EXOC6B: variants seen among roughly 807,000 people sequenced by gnomAD.
The protein encoded by EXOC6B is SEC15 homolog B.
EXOC6B carries 54 observed loss-of-function variants against 113.5 expected under a neutral mutation model. That is an observed-to-expected ratio of 0.48 (90% CI 0.38 to 0.60). EXOC6B has a LOEUF of 0.60. Among genes scored for constraint, EXOC6B ranks in the 20% least tolerant of loss-of-function variants. The pLI is 0.00. For missense variants in EXOC6B, 797 were observed against 977.5 expected, an observed-to-expected ratio of 0.82 and a Z score of 2.46; for synonymous variants, 357 against 339.0, an observed-to-expected ratio of 1.05 and a Z score of -0.58.
chr2:72,707,342 T>C (rs1678949995), intron 6 of EXOC6B, among the ~76,000 whole-genome samples: 1 of 152,168 alleles, frequency 6.6e-6, no homozygotes, highest in Non-Finnish European at 1.5e-5. Context: ...TAACATTTTA[T>C]CTTTATTTCT....
At chr2:72,548,199 T>C (rs1703011909) in intron 8 of EXOC6B, among the ~76,000 whole-genome samples, 1 of 152,128 alleles carries the variant, frequency 6.6e-6, no homozygotes, top group Non-Finnish European at 1.5e-5. Flanking sequence ...GATATTGTAC[T>C]TCACTTTAGT....
chr2:72,810,652 G>GA (rs1385713588), intron 1 of EXOC6B, among the ~76,000 whole-genome samples: 2 of 151,852 alleles, frequency 1.3e-5, no homozygotes, highest in Admixed American at 6.6e-5. Flanking sequence ...AAACAACGGA[G>GA]AAAATCAAAG....
At chr2:72,302,118 GTTGT>G (rs1686570152) in intron 20 of EXOC6B, among the ~76,000 whole-genome samples, 1 of 152,136 alleles carries the variant, frequency 6.6e-6, no homozygotes, top group African/African-American at 2.4e-5. Context: ...TCAGGAGCAG[GTTGT>G]TTAATTTCCA....
intron 6 of EXOC6B, among the ~76,000 whole-genome samples, chr2:72,640,951 G>C (rs941335847): frequency 2.0e-5 from 3 of 152,128 alleles, no homozygotes; most frequent in African/African-American, 7.2e-5. Flanking sequence ...ACCCAACACA[G>C]GATTAGCCAG....
At chr2:72,719,094 T>C (rs150581429) in intron 5 of EXOC6B, among the ~76,000 whole-genome samples, 14 of 152,330 alleles carry the variant, frequency 9.2e-5, no homozygotes, top group Admixed American at 5.9e-4. Context: ...AGTGGGACTC[T>C]GTAGCTTTCT....
chr2:72,234,324 C>T (rs1486639175), intron 20 of EXOC6B, among the ~76,000 whole-genome samples: 1 of 152,048 alleles, frequency 6.6e-6, no homozygotes, highest in African/African-American at 2.4e-5. Flanking sequence ...ACCTCGTGAT[C>T]CACCTGCCTC....
At chr2:72,285,182 C>T (rs939685803) in intron 20 of EXOC6B, among the ~76,000 whole-genome samples, 9 of 151,974 alleles carry the variant, frequency 5.9e-5, no homozygotes, top group South Asian at 2.1e-4. Flanking sequence ...CAAAGAAGAA[C>T]TAAGTCAGAC....
chr2:72,790,870 T>C (rs374250442), intron 1 of EXOC6B, among the ~76,000 whole-genome samples: 3 of 152,228 alleles, frequency 2.0e-5, no homozygotes, highest in African/African-American at 7.2e-5. Flanking sequence ...ATGTTCTCAT[T>C]TGCATGTGGG....
chr2:72,750,078 A>G (rs993576647), intron 1 of EXOC6B, among the ~76,000 whole-genome samples: 9 of 151,876 alleles, frequency 5.9e-5, no homozygotes, highest in Admixed American at 5.9e-4. Context: ...ACACAAACAC[A>G]CACACACACT....
intron 19 of EXOC6B, among the ~76,000 whole-genome samples, chr2:72,345,076 G>T (rs987249560): frequency 7.2e-5 from 11 of 152,192 alleles, no homozygotes; most frequent in Admixed American, 7.2e-4. Flanking sequence ...ACAATTGCCT[G>T]CCATGGGACT....
intron 8 of EXOC6B, 124 bp from the exon 9 acceptor site, chr2:72,515,250 T>G: frequency 3.1e-6 from 3 of 972,834 alleles, no homozygotes; most frequent in Non-Finnish European, 4.6e-6. Flanking sequence ...AATCTGCTAT[T>G]TTAACATTGA....
chr2:72,317,330 A>T (rs765714302), intron 20 of EXOC6B, among the ~76,000 whole-genome samples: 2 of 152,046 alleles, frequency 1.3e-5, no homozygotes, highest in Non-Finnish European at 2.9e-5. Flanking sequence ...AAACCTATCG[A>T]TACCTCCCTC....
At chr2:72,691,181 G>T (rs147329074) in intron 6 of EXOC6B, among the ~76,000 whole-genome samples, 32 of 152,214 alleles carry the variant, frequency 2.1e-4, no homozygotes, top group African/African-American at 7.0e-4. Flanking sequence ...AAAAGGGAGA[G>T]ACTGGAGTTA....
Position 72,669,342 on chromosome 2 carries a change from A to G in EXOC6B, c.669+48761T>C, listed in dbSNP as rs189306148. On this transcript the variant is annotated intron_variant, in intron 6 of 21. Coordinates refer to ENST00000272427, the MANE Select transcript of EXOC6B (RefSeq NM_015189.3). ...TAGTCATAGAAATCTAAGAAAGATG[A>G]TTCACTTAAAAAAAAAACAGAAGGG... 4.0e-5 allele frequency among the ~76,000 whole-genome samples: 6 copies of G among 151,684 alleles called. 1 individual carries two copies. In the East Asian group the frequency reaches 7.7e-4, roughly 20 times the overall value.
intron 13 of EXOC6B, among the ~76,000 whole-genome samples, chr2:72,497,248 C>A (rs1443395719): frequency 2.0e-5 from 3 of 152,044 alleles, no homozygotes; most frequent in Non-Finnish European, 4.4e-5. Context: ...GCTGGGATTA[C>A]AGGCATGACC....
intron 18 of EXOC6B, among the ~76,000 whole-genome samples, chr2:72,410,966 TG>T (rs2105221226): frequency 6.6e-6 from 1 of 152,284 alleles, no homozygotes; most frequent in African/African-American, 2.4e-5. Context: ...CCCAGTACTT[TG>T]GGAGGCCAAG....
At chr2:72,761,322 A>C (rs1439173274) in intron 1 of EXOC6B, among the ~76,000 whole-genome samples, 1 of 152,176 alleles carries the variant, frequency 6.6e-6, no homozygotes. Flanking sequence ...ACACAGGTGA[A>C]CTCTAAACTC....
At chr2:72,597,545 T>C (rs1670149356) in intron 6 of EXOC6B, among the ~76,000 whole-genome samples, 1 of 151,798 alleles carries the variant, frequency 6.6e-6, no homozygotes, top group Non-Finnish European at 1.5e-5. Context: ...AGGACAAGTA[T>C]AATAAGAATA....
At chr2:72,508,493 C>T (rs769845716) in intron 11 of EXOC6B, among the ~76,000 whole-genome samples, 5 of 152,094 alleles carry the variant, frequency 3.3e-5, no homozygotes, top group South Asian at 2.1e-4. Flanking sequence ...TTAAGCCGGC[C>T]GGGCATAGTG....
Sources: allele counts gnomAD v4.1 joint callset (sites outside exome capture counted in the v4.1 genomes callset), GRCh38; gene constraint gnomAD v4.1.1; transcripts MANE v1.5; gene names NCBI Gene and HGNC (gene_info 2026-07-23, HGNC 2026-07-21).